The following GALNT17 variants were observed in gnomAD, a reference collection of about 807,000 sequenced individuals.
GALNT17 encodes UDP-GalNAc:polypeptide N-acetylgalactosaminyltransferase-like 3.
GALNT17 carries 29 observed loss-of-function variants against 63.7 expected under a neutral mutation model. That is an observed-to-expected ratio of 0.46 (90% CI 0.34 to 0.62). The LOEUF is 0.62. Ranked by LOEUF, GALNT17 falls within the 20% of genes least tolerant of loss-of-function variation. GALNT17 has a pLI of 0.01. For synonymous variants in GALNT17, 305 were observed against 318.3 expected, an observed-to-expected ratio of 0.96 and a Z score of 0.45; for missense variants, 603 against 799.6, an observed-to-expected ratio of 0.75 and a Z score of 2.97.
In GALNT17 at chr7:71,437,746, A is replaced by T. The variant is rs545389608; in HGVS notation, c.962+16641A>T. On this transcript the variant is annotated intron_variant, in intron 5 of 10. Coordinates refer to ENST00000333538, the MANE Select transcript of GALNT17 (RefSeq NM_022479.3). ...TTTAAATTTTTTGAGACAGGGTCTC[A>T]CTCTGCCACCCAGGCTAGAGTGCAG... is the stretch of plus-strand genomic sequence containing the variant. Among the ~76,000 whole-genome samples the T allele has an allele frequency of 2.0e-5, 3 of 152,214 alleles. No homozygotes were observed. In the South Asian group the frequency reaches 6.2e-4, roughly 32 times the overall value.
intron 6 of GALNT17, 145 bp from the exon 7 acceptor site, chr7:71,665,266 C>G (rs765951348): frequency 1.3e-5 from 11 of 840,492 alleles, no homozygotes; most frequent in Non-Finnish European, 1.8e-5. Context: ...CATGAACCAC[C>G]GTGCACAACC....
At chr7:71,204,861 T>C (rs1789241722) in intron 1 of GALNT17, among the ~76,000 whole-genome samples, 1 of 152,112 alleles carries the variant, frequency 6.6e-6, no homozygotes, top group African/African-American at 2.4e-5. Context: ...TTCTCGTGCC[T>C]CAGCCTCTCA....
chr7:71,497,647 A>G (rs1271710774), intron 5 of GALNT17, among the ~76,000 whole-genome samples: 1 of 152,240 alleles, frequency 6.6e-6, no homozygotes, highest in African/African-American at 2.4e-5. Flanking sequence ...ATGACAGTCC[A>G]TTAAATGTAA....
chr7:71,213,011 G>C (rs1302010034), intron 1 of GALNT17, among the ~76,000 whole-genome samples: 2 of 151,134 alleles, frequency 1.3e-5, no homozygotes, highest in Non-Finnish European at 3.0e-5. Flanking sequence ...AGGCATGATT[G>C]GTTTTGAAAT....
intron 5 of GALNT17, among the ~76,000 whole-genome samples, chr7:71,536,058 A>G (rs754832340): frequency 1.7e-4 from 26 of 152,216 alleles, no homozygotes; most frequent in Non-Finnish European, 3.4e-4. Flanking sequence ...TTATGACTCA[A>G]CTGACTATTT....
chr7:71,212,330 T>C (rs1789396453), intron 1 of GALNT17, among the ~76,000 whole-genome samples: 1 of 152,194 alleles, frequency 6.6e-6, no homozygotes, highest in Non-Finnish European at 1.5e-5. Flanking sequence ...AGAATTGAGG[T>C]TTGGGAACCC....
At chr7:71,592,562 A>AG (rs1367067882) in intron 6 of GALNT17, among the ~76,000 whole-genome samples, 7,984 of 120,478 alleles carry the variant, frequency 0.066, 697 homozygotes, top group Middle Eastern at 0.092. Flanking sequence ...AGCATAGCAT[A>AG]CTAAAATAAA....
rs1303730932 is a variant in GALNT17, at chr7:71,197,499, C to A, written c.238+64459C>A. Among the ~76,000 whole-genome samples, 2 of 151,738 alleles carry A rather than the reference C, an allele frequency of 1.3e-5. 1 individual carries two copies. Among genetic ancestry groups the A allele is most frequent in the South Asian group, 4.2e-4 (2 of 4,808 alleles). ...CTGGGATTACAGGCATGAGACACCG[C>A]GCCTGGCCCTGTTGTACATTTAAGT... is the stretch of plus-strand genomic sequence containing the variant. On this transcript the variant is annotated intron_variant, in intron 1 of 10. Coordinates refer to ENST00000333538, the MANE Select transcript of GALNT17 (RefSeq NM_022479.3).
intron 3 of GALNT17, among the ~76,000 whole-genome samples, chr7:71,402,133 GA>G (rs1793252096): frequency 6.6e-6 from 1 of 152,220 alleles, no homozygotes; most frequent in South Asian, 2.1e-4. Context: ...TTTTCATTGT[GA>G]GGTTTAGAGG....
At chr7:71,630,580 C>G (rs1790440885) in intron 6 of GALNT17, among the ~76,000 whole-genome samples, 1 of 152,174 alleles carries the variant, frequency 6.6e-6, no homozygotes, top group Non-Finnish European at 1.5e-5. Flanking sequence ...ATTTAGTGGA[C>G]AATCTCATCA....
At chr7:71,308,970 C>A (rs888554323) in intron 1 of GALNT17, among the ~76,000 whole-genome samples, 3 of 152,040 alleles carry the variant, frequency 2.0e-5, no homozygotes, top group African/African-American at 7.2e-5. Context: ...TCTCGAACTC[C>A]TGACCTCAGG....
intron 1 of GALNT17, among the ~76,000 whole-genome samples, chr7:71,223,332 A>G (rs58475307): frequency 6.6e-6 from 1 of 151,984 alleles, no homozygotes; most frequent in Non-Finnish European, 1.5e-5. Flanking sequence ...TGTCCCTTCT[A>G]TCCCAGTTAT....
chr7:71,556,292 C>A (rs1314912010), intron 5 of GALNT17, among the ~76,000 whole-genome samples: 1 of 152,104 alleles, frequency 6.6e-6, no homozygotes, highest in Non-Finnish European at 1.5e-5. Context: ...ATTTGTGGAG[C>A]TTATTGTATT....
At chr7:71,554,210 G>A (rs1789126164) in intron 5 of GALNT17, among the ~76,000 whole-genome samples, 2 of 152,280 alleles carry the variant, frequency 1.3e-5, no homozygotes, top group South Asian at 2.1e-4. Context: ...TGTGTGTCGT[G>A]GGAGGGACCC....
At chr7:71,612,411 G>A (rs1048805066) in intron 6 of GALNT17, among the ~76,000 whole-genome samples, 21 of 152,152 alleles carry the variant, frequency 1.4e-4, no homozygotes, top group African/African-American at 4.3e-4. Context: ...GCATTGCAAC[G>A]TGGACCACCA....
intron 1 of GALNT17, among the ~76,000 whole-genome samples, chr7:71,169,685 A>G (rs1286582269): frequency 6.6e-6 from 1 of 152,064 alleles, no homozygotes; most frequent in Non-Finnish European, 1.5e-5. Flanking sequence ...CCTCCAGAGT[A>G]GCTGGAACTA....
In GALNT17 at chr7:71,361,041, G is replaced by A. The variant is rs567350606; in HGVS notation, c.422+25308G>A. Among the ~76,000 whole-genome samples, 3 of 152,212 alleles carry A rather than the reference G, an allele frequency of 2.0e-5. No homozygotes were observed. The South Asian group carries it at 6.2e-4, about 32-fold the overall frequency. On this transcript the variant is annotated intron_variant, in intron 2 of 10. Transcript: ENST00000333538. Reference sequence around the variant, plus strand: ...AACTTATTTGACTAGCTACTTATTGGTATCAACAAGCTCTTATTGAATAAA... The same window carrying A: ...AACTTATTTGACTAGCTACTTATTGATATCAACAAGCTCTTATTGAATAAA...
intron 2 of GALNT17, among the ~76,000 whole-genome samples, chr7:71,350,077 T>A (rs1223749214): frequency 6.6e-6 from 1 of 152,210 alleles, no homozygotes; most frequent in Non-Finnish European, 1.5e-5. Flanking sequence ...GTCAGGGGAA[T>A]TCTTGTGTAA....
chr7:71,464,081 G>A (rs1279613114), intron 5 of GALNT17, among the ~76,000 whole-genome samples: 1 of 152,106 alleles, frequency 6.6e-6, no homozygotes, highest in African/African-American at 2.4e-5. Context: ...CTATATTTCT[G>A]TTCCGAACCC....
Sources: allele counts gnomAD v4.1 joint callset (sites outside exome capture counted in the v4.1 genomes callset), GRCh38; gene constraint gnomAD v4.1.1; transcripts MANE v1.5; gene names NCBI Gene and HGNC (gene_info 2026-07-23, HGNC 2026-07-21).